Variants in BOC observed in about 807,000 individuals in gnomAD.
BOC encodes the protein BOC cell adhesion associated, oncogene regulated.
Under a neutral mutation model 112.0 loss-of-function variants are expected in BOC, and 76 were observed. The observed-to-expected ratio is 0.68, with a 90% CI of 0.56 to 0.82. The LOEUF (loss-of-function observed/expected upper bound fraction) is 0.82. Ranked by LOEUF, BOC falls within the 40% of genes least tolerant of loss-of-function variation. The pLI, the probability that BOC is intolerant of heterozygous loss-of-function variation, is 0.00. For missense variants in BOC, 1,309 were observed against 1,511.7 expected (o/e 0.87, Z 2.22); for synonymous variants, 580 against 599.8 (o/e 0.97, Z 0.48).
intron 16 of BOC, 55 bp downstream of exon 16, chr3:113,283,687 C>G (rs1376269877): frequency 1.7e-5 from 25 of 1,504,808 alleles, no homozygotes; most frequent in Non-Finnish European, 2.2e-5. Flanking sequence ...GGGGGCTCCA[C>G]TAAGGAGGCC....
At chr3:113,219,389 A>G (rs1940130640) in intron 2 of BOC, among the ~76,000 whole-genome samples, 1 of 152,036 alleles carries the variant, frequency 6.6e-6, no homozygotes, top group Non-Finnish European at 1.5e-5. Flanking sequence ...GTGTTAAAGC[A>G]CTCCAAGCAT....
Position 113,216,232 on chromosome 3 carries a change from G to A in BOC, c.-124G>A, listed in dbSNP as rs530830918. 8 of 456,624 alleles carry A rather than the reference G, an allele frequency of 1.8e-5. No individual in the cohort carries two copies. Among genetic ancestry groups the A allele is most frequent in the African/African-American group, 4.0e-5 (2 of 50,164 alleles). 28.3% of individuals were successfully genotyped at this position (456,624 alleles called of 1,614,324 possible). A position where few individuals can be genotyped will look rare whatever the true frequency, so the allele number is the denominator to read the frequency against. Reference sequence around the variant, plus strand: ...AACCCATGACCCATGAAGTCTTGTCGACATTTATACCGTCTGAGGGTAGCA... The same window carrying A: ...AACCCATGACCCATGAAGTCTTGTCAACATTTATACCGTCTGAGGGTAGCA... On this transcript the variant is annotated 5_prime_UTR_variant, in exon 2 of 20. Coordinates refer to ENST00000682979, the MANE Select transcript of BOC (RefSeq NM_001378074.1).
intron 2 of BOC, among the ~76,000 whole-genome samples, chr3:113,232,981 A>G (rs184064566): frequency 1.4e-4 from 21 of 152,150 alleles, no homozygotes; most frequent in Non-Finnish European, 3.1e-4. Context: ...TCTAGGAGGA[A>G]TGTTGTCCAT....
At chr3:113,231,675 T>C (rs1452732765) in intron 2 of BOC, among the ~76,000 whole-genome samples, 1 of 152,246 alleles carries the variant, frequency 6.6e-6, no homozygotes, top group African/African-American at 2.4e-5. Context: ...AGAAATCTGA[T>C]AGCTTTTCTT....
At chr3:113,228,690 T>C (rs1942086691) in intron 2 of BOC, among the ~76,000 whole-genome samples, 1 of 152,182 alleles carries the variant, frequency 6.6e-6, no homozygotes, top group Non-Finnish European at 1.5e-5. Flanking sequence ...TGGAGTGCAC[T>C]GCAGTCCAGC....
rs1240418220 is a variant in BOC, at chr3:113,249,848, G to A, written c.46G>A (p.Val16Ile). 1 of 1,613,840 alleles carries A rather than the reference G, an allele frequency of 6.2e-7. No individual in the cohort carries two copies. Among genetic ancestry groups the A allele is most frequent in the Admixed American group, 1.7e-5 (1 of 59,934 alleles). Residue 16 changes from valine to isoleucine, a missense_variant, in exon 3 of 20, where the codon GTC becomes ATC. Coordinates refer to ENST00000682979, the MANE Select transcript of BOC (RefSeq NM_001378074.1). Reference sequence around the variant, plus strand: ...GGCGTGGAGAGGAATGAGGCCTGAGGTCACACTGGCTTGCCTCCTCCTAGC... The same window carrying A: ...GGCGTGGAGAGGAATGAGGCCTGAGATCACACTGGCTTGCCTCCTCCTAGC... ...MTAWRGMRPE[V>I]TLACLLLATA...
intron 17 of BOC, 55 bp from the exon 18 acceptor site, chr3:113,284,727 G>A: frequency 6.4e-7 from 1 of 1,569,062 alleles, no homozygotes; most frequent in East Asian, 2.2e-5. Context: ...GTGAAGACTG[G>A]AAAGTTACCT....
chr3:113,215,009 A>C (rs1939072677), intron 1 of BOC, among the ~76,000 whole-genome samples: 1 of 152,248 alleles, frequency 6.6e-6, no homozygotes, highest in Non-Finnish European at 1.5e-5. Flanking sequence ...TTGTGATAAG[A>C]GTATGAACTT....
At chr3:113,282,684 G>A (rs1399654490) in intron 15 of BOC, among the ~76,000 whole-genome samples, 1 of 152,234 alleles carries the variant, frequency 6.6e-6, no homozygotes, top group East Asian at 1.9e-4. Flanking sequence ...AGAATATACA[G>A]AGAGTACAGA....
intron 2 of BOC, among the ~76,000 whole-genome samples, chr3:113,242,729 CT>C (rs1419067082): frequency 6.6e-6 from 1 of 152,108 alleles, no homozygotes; most frequent in Non-Finnish European, 1.5e-5. Flanking sequence ...AACTCCTCTC[CT>C]TCTGTGGTAT....
In BOC at chr3:113,251,147, C is replaced by T. The variant is rs570914509; in HGVS notation, c.376+314C>T. 32 of 565,054 alleles carry T rather than the reference C, an allele frequency of 5.7e-5. No homozygotes were observed. In the East Asian group the frequency reaches 9.0e-4, roughly 16 times the overall value. 35.0% of individuals were successfully genotyped at this position (565,054 alleles called of 1,614,324 possible). A position where few individuals can be genotyped will look rare whatever the true frequency, so the allele number is the denominator to read the frequency against. ...GCCCCAGAGCAGGGCCGTGCCGTGCCTTCCTACTTGGTCATCCTGTGGCTG... is the reference window on the plus strand; with the variant it reads ...GCCCCAGAGCAGGGCCGTGCCGTGCTTTCCTACTTGGTCATCCTGTGGCTG... On this transcript the variant is annotated intron_variant, in intron 4 of 19. Transcript: ENST00000682979.
rs1576294070 is a variant in BOC, at chr3:113,211,821, C to T, written c.-365C>T. The T allele has an allele frequency of 6.5e-6, 1 of 152,746 alleles. No individual in the cohort carries two copies. Among genetic ancestry groups the T allele is most frequent in the African/African-American group, 2.4e-5 (1 of 41,460 alleles). The allele number at this position is 152,746 out of a possible 1,614,324, so 9.5% of individuals were successfully genotyped here. On this transcript the variant is annotated 5_prime_UTR_variant, in exon 1 of 20. Coordinates refer to ENST00000682979, the MANE Select transcript of BOC (RefSeq NM_001378074.1). ...GCCACAACACGCCCGCACGCGCCCT[C>T]CCTCTCCGGCCCGCAACTTCTCGGT...
At chr3:113,284,668 C>A in intron 17 of BOC, 101 bp downstream of exon 17, 2 of 1,521,522 alleles carry the variant, frequency 1.3e-6, no homozygotes, top group Non-Finnish European at 1.8e-6. Context: ...TCAGGCTGGG[C>A]TGCTGGGCCA....
At chr3:113,250,473 TC>T in intron 3 of BOC, 81 bp from the exon 4 acceptor site, 8 of 1,498,066 alleles carry the variant, frequency 5.3e-6, no homozygotes, top group Non-Finnish European at 7.2e-6. Flanking sequence ...CTGGAAGACT[TC>T]CTGGGTGCAG....
chr3:113,220,495 A>G (rs1224823266), intron 2 of BOC, among the ~76,000 whole-genome samples: 1 of 152,216 alleles, frequency 6.6e-6, no homozygotes, highest in African/African-American at 2.4e-5. Context: ...ATGAGGAAGC[A>G]GTGAAATGGG....
intron 2 of BOC, among the ~76,000 whole-genome samples, chr3:113,231,798 T>C (rs568655342): frequency 6.6e-6 from 1 of 152,252 alleles, no homozygotes; most frequent in East Asian, 1.9e-4. Context: ...CCTCTGCCAC[T>C]GTAACCTTGT....
chr3:113,248,972 G>A (rs976692447), intron 2 of BOC, among the ~76,000 whole-genome samples: 4 of 152,128 alleles, frequency 2.6e-5, no homozygotes, highest in African/African-American at 9.7e-5. Context: ...AGAGAAGTGG[G>A]AGCTAGTGAG....
At chr3:113,270,553 G>T in intron 5 of BOC, 1 of 468,556 alleles carries the variant, frequency 2.1e-6, no homozygotes, top group South Asian at 3.3e-5. Context: ...GTGGCAGTTA[G>T]TCAGTCAGCC....
chr3:113,283,933 C>G (rs1949431250), intron 16 of BOC, among the ~76,000 whole-genome samples: 2 of 152,044 alleles, frequency 1.3e-5, no homozygotes, highest in African/African-American at 4.8e-5. Flanking sequence ...ACTTACAGTC[C>G]ATCCTGCCTC....
Sources: allele counts gnomAD v4.1 joint callset (sites outside exome capture counted in the v4.1 genomes callset), GRCh38; gene constraint gnomAD v4.1.1; transcripts MANE v1.5; gene names NCBI Gene and HGNC (gene_info 2026-07-23, HGNC 2026-07-21).